RNF38: variants seen among roughly 807,000 people sequenced by gnomAD.
RNF38 encodes the protein ring finger protein 38.
In RNF38, 15 loss-of-function variants were observed where a neutral mutation model predicts 67.2. That is an observed-to-expected ratio of 0.22 (90% CI 0.15 to 0.34). The LOEUF (loss-of-function observed/expected upper bound fraction) is 0.34, where lower values mean the gene tolerates loss of function less well. Ranked by LOEUF, RNF38 falls within the 10% of genes least tolerant of loss-of-function variation. RNF38 has a pLI of 1.00. For synonymous variants in RNF38, 220 were observed against 218.8 expected (o/e 1.01, Z -0.05); for missense variants, 524 against 639.9 (o/e 0.82, Z 1.95).
chr9:36,374,710 C>T (rs1835657951), intron 3 of RNF38, among the ~76,000 whole-genome samples: 1 of 152,164 alleles, frequency 6.6e-6, no homozygotes, highest in African/African-American at 2.4e-5. Flanking sequence ...GGATGGTCTC[C>T]TGACCTCGTG....
upstream of RNF38, chr9:36,401,032 C>A: frequency 1.0e-6 from 1 of 984,826 alleles, no homozygotes; most frequent in Non-Finnish European, 1.2e-6. Flanking sequence ...GGCCGCGACA[C>A]GCGCGGTCCT....
At chr9:36,396,268 A>G (rs1837503720) in intron 1 of RNF38, among the ~76,000 whole-genome samples, 1 of 152,258 alleles carries the variant, frequency 6.6e-6, no homozygotes, top group South Asian at 2.1e-4. Context: ...ACAAGCTAAA[A>G]GCTTTGATCA....
At position 36,368,886 on chromosome 9, in the gene RNF38, CTT is replaced by C. The variant is rs397735166; in HGVS notation, c.570+831_570+832del. The stretch of plus-strand genomic sequence containing the variant: ...TATAAGGACATGCTTAGACACATGT[CTT>C]TTTTTTTTTGACCTCAGAAACTCCA... On this transcript the variant is annotated intron_variant, in intron 4 of 11. Transcript: ENST00000259605. Among the ~76,000 whole-genome samples the C allele has an allele frequency of 3.4e-5, 5 of 145,970 alleles. No individual in the cohort carries two copies. In the South Asian group the frequency reaches 6.4e-4, roughly 19 times the overall value.
intron 1 of RNF38, among the ~76,000 whole-genome samples, chr9:36,474,151 C>A (rs1027110109): frequency 6.8e-5 from 10 of 147,032 alleles, no homozygotes; most frequent in African/African-American, 1.5e-4. Context: ...ATCTCTACTA[C>A]AAATACAAAA....
At chr9:36,470,172 GCA>G (rs1241123947) in intron 1 of RNF38, among the ~76,000 whole-genome samples, 1 of 152,106 alleles carries the variant, frequency 6.6e-6, no homozygotes, top group Non-Finnish European at 1.5e-5. Context: ...TGAATCAAAA[GCA>G]CTGGTGGGGG....
intron 1 of RNF38, among the ~76,000 whole-genome samples, chr9:36,392,410 G>A (rs1837183039): frequency 6.6e-6 from 1 of 152,090 alleles, no homozygotes; most frequent in Non-Finnish European, 1.5e-5. Flanking sequence ...CGTATTTACT[G>A]ACTGACTCCT....
rs10972887 is a variant in RNF38, at chr9:36,411,648, G to A, written n.312+12965C>T. Reference sequence around the variant, plus strand: ...GCAATCTTGGGTCACTACAACCTCCGCCTCCCAGGTTCAAGTGATCCTCCT... The same window carrying A: ...GCAATCTTGGGTCACTACAACCTCCACCTCCCAGGTTCAAGTGATCCTCCT... On this transcript the variant is annotated intron_variant and non_coding_transcript_variant, in intron 2 of 3. Coordinates refer to the RNF38 transcript ENST00000488058. Among the ~76,000 whole-genome samples, 70 of 152,066 alleles carry A rather than the reference G, an allele frequency of 4.6e-4. No homozygotes were observed. The East Asian group carries it at 0.011, about 25-fold the overall frequency.
chr9:36,471,027 G>A (rs537308122), intron 1 of RNF38, among the ~76,000 whole-genome samples: 3 of 152,100 alleles, frequency 2.0e-5, no homozygotes, highest in Admixed American at 1.3e-4. Context: ...ACATATTTAT[G>A]CCTAAGAATT....
intron 2 of RNF38, among the ~76,000 whole-genome samples, chr9:36,416,161 C>T (rs1398671634): frequency 3.0e-5 from 2 of 65,962 alleles, no homozygotes; most frequent in African/African-American, 1.2e-4. Flanking sequence ...TCTCCTTGGG[C>T]GGGGCTTGCT....
chr9:36,360,304 A>G (rs903631148), intron 4 of RNF38, among the ~76,000 whole-genome samples: 3 of 152,322 alleles, frequency 2.0e-5, no homozygotes, highest in Admixed American at 6.5e-5. Flanking sequence ...TAGTACGAAG[A>G]TAATTTTTAT....
intron 2 of RNF38, among the ~76,000 whole-genome samples, chr9:36,383,502 T>TAA (rs2133938316): frequency 1.3e-5 from 2 of 152,348 alleles, no homozygotes; most frequent in South Asian, 2.1e-4. Context: ...AATGTGTTTC[T>TAA]ATTAGTGAAA....
intron 1 of RNF38, among the ~76,000 whole-genome samples, chr9:36,453,971 G>C (rs987547628): frequency 6.6e-6 from 1 of 152,158 alleles, no homozygotes; most frequent in Non-Finnish European, 1.5e-5. Context: ...GGTAGAAGTG[G>C]AGATGCATAA....
Position 36,339,592 on chromosome 9 carries a change from G to T in RNF38, c.*160C>A, listed in dbSNP as rs976404347. ...AATCCCATAACTGTGAAGACTAATT[G>T]TAAGCTTTTATAGTTGATTAAGTCA... is the stretch of plus-strand genomic sequence containing the variant. On this transcript the variant is annotated 3_prime_UTR_variant, in exon 12 of 12. Transcript: ENST00000259605. 2 of 592,236 alleles carry T rather than the reference G, an allele frequency of 3.4e-6. No individual in the cohort carries two copies. The highest frequency in any genetic ancestry group is 6.1e-6 in the Non-Finnish European group (2 of 328,488). The allele number at this position is 592,236 out of a possible 1,614,324, so 36.7% of individuals were successfully genotyped here.
chr9:36,352,125 C>A (rs1216114752), intron 8 of RNF38, among the ~76,000 whole-genome samples: 1 of 152,044 alleles, frequency 6.6e-6, no homozygotes, highest in African/African-American at 2.4e-5. Flanking sequence ...CATGGCGAAA[C>A]CCTGTTTCTA....
At chr9:36,341,903 A>C (rs746195905) in intron 11 of RNF38, among the ~76,000 whole-genome samples, 5 of 151,482 alleles carry the variant, frequency 3.3e-5, no homozygotes, top group Admixed American at 1.3e-4. Context: ...TGGCATAGCC[A>C]CTCTTAGGAT....
intron 1 of RNF38, among the ~76,000 whole-genome samples, chr9:36,483,390 A>AAAG (rs1840326335): frequency 1.3e-5 from 2 of 150,108 alleles, no homozygotes; most frequent in African/African-American, 5.1e-5. Context: ...CTGTCTCAAA[A>AAAG]AAAAAGAAAA....
At position 36,337,428 on chromosome 9, in the gene RNF38, TATAAGAATTC is replaced by T. The variant is rs1832530029; in HGVS notation, c.*2314_*2323del. ...CAAAAACTTACAGAAAAAGGGACAT[TATAAGAATTC>T]ATAGAGGGAGAGAAGAAAAAGCTGC... On this transcript the variant is annotated 3_prime_UTR_variant, in exon 12 of 12. Coordinates refer to ENST00000259605, the MANE Select transcript of RNF38 (RefSeq NM_022781.5). 1 of 152,786 alleles carries T rather than the reference TATAAGAATTC, an allele frequency of 6.5e-6. No individual in the cohort carries two copies. The highest frequency in any genetic ancestry group is 2.4e-5 in the African/African-American group (1 of 41,412). The allele number at this position is 152,786 out of a possible 1,614,324, so 9.5% of individuals were successfully genotyped here. A position where few individuals can be genotyped will look rare whatever the true frequency, so the allele number is the denominator to read the frequency against.
intron 1 of RNF38, among the ~76,000 whole-genome samples, chr9:36,425,103 A>G (rs1253468673): frequency 6.6e-6 from 1 of 152,220 alleles, no homozygotes; most frequent in Non-Finnish European, 1.5e-5. Flanking sequence ...TATAAGAAAC[A>G]ATCTAATCTA....
At chr9:36,477,910 T>C (rs567681833) in intron 1 of RNF38, among the ~76,000 whole-genome samples, 22 of 151,758 alleles carry the variant, frequency 1.4e-4, no homozygotes, top group Admixed American at 1.4e-3. Flanking sequence ...GAAGGACTGC[T>C]TGAGCCTGGG....
Sources: allele counts gnomAD v4.1 joint callset (sites outside exome capture counted in the v4.1 genomes callset), GRCh38; gene constraint gnomAD v4.1.1; transcripts MANE v1.5; gene names NCBI Gene and HGNC (gene_info 2026-07-23, HGNC 2026-07-21).